KCNQ1OT1: variants seen among roughly 807,000 people sequenced by gnomAD.
The protein encoded by KCNQ1OT1 is KCNQ1 antisense RNA 2 (non-protein coding).
exon 1 of KCNQ1OT1, chr11:2,631,986 T>C (rs950685769): frequency 7.6e-6 from 3 of 395,794 alleles, no homozygotes; most frequent in African/African-American, 4.1e-5. Context: ...ATCGAGACCA[T>C]CCTGGCTAAC....
exon 1 of KCNQ1OT1, chr11:2,688,817 A>C: frequency 2.5e-6 from 1 of 398,820 alleles, no homozygotes; most frequent in East Asian, 3.6e-5. Context: ...CACCTGGCCC[A>C]TCCCACAAAG....
chr11:2,654,289 C>T lies in KCNQ1OT1; in HGVS notation n.45706G>A. On this transcript the variant is annotated non_coding_transcript_exon_variant, in exon 1 of 1. Transcript: ENST00000597346. This position sits in a 1 kb window ranked among gnomAD's most constrained non-coding sequence, Gnocchi z 6.4. Reference sequence around the variant, plus strand: ...GATCCGCAGGGCTTTGGTGAATCCACTGAGAGGGGGAGATTTCTTGAGGGG... The same window carrying T: ...GATCCGCAGGGCTTTGGTGAATCCATTGAGAGGGGGAGATTTCTTGAGGGG... 2.5e-6 allele frequency: 1 copy of T among 398,612 alleles called. No homozygotes were observed. 24.7% of individuals were successfully genotyped at this position (398,612 alleles called of 1,614,324 possible).
At position 2,692,815 on chromosome 11, in the gene KCNQ1OT1, T is replaced by C. The variant is rs1315621145; in HGVS notation, n.7180A>G. 1.3e-5 allele frequency: 5 copies of C among 398,560 alleles called. No individual in the cohort carries two copies. In the Admixed American group the frequency reaches 1.8e-4, roughly 14 times the overall value. 24.7% of individuals were successfully genotyped at this position (398,560 alleles called of 1,614,324 possible). A position where few individuals can be genotyped will look rare whatever the true frequency, so the allele number is the denominator to read the frequency against. On this transcript the variant is annotated non_coding_transcript_exon_variant, in exon 1 of 1. Transcript: ENST00000597346. The stretch of plus-strand genomic sequence containing the variant: ...TTCTTGAATGACTGCATCCCTAACA[T>C]GAGGCAATGATCATTCCCCTGCCTG...
At chr11:2,643,011 T>C (rs936442125) in exon 1 of KCNQ1OT1, 4 of 397,868 alleles carry the variant, frequency 1.0e-5, no homozygotes, top group African/African-American at 4.1e-5. Flanking sequence ...TATTGTGGTC[T>C]GAGAAGATAT....
exon 1 of KCNQ1OT1, chr11:2,632,156 C>T: frequency 2.7e-6 from 1 of 377,274 alleles, no homozygotes; most frequent in Non-Finnish European, 4.5e-6. Context: ...ACACTCTAGC[C>T]TGGGCGACAG....
chr11:2,660,075 T>A, exon 1 of KCNQ1OT1: 1 of 398,464 alleles, frequency 2.5e-6, no homozygotes, highest in South Asian at 1.3e-4. Context: ...CTTTTTCTCT[T>A]ACGAGTTAAA....
At position 2,617,155 on chromosome 11, in the gene KCNQ1OT1, A is replaced by G. The variant is rs1418953850; in HGVS notation, n.82840T>C. ...AATATACTAACTATTCTCATGTTCTACATGAGATCTCTAGACTTGTTCATC... is the reference window on the plus strand; with the variant it reads ...AATATACTAACTATTCTCATGTTCTGCATGAGATCTCTAGACTTGTTCATC... On this transcript the variant is annotated non_coding_transcript_exon_variant, in exon 1 of 1. Transcript: ENST00000597346. The surrounding 1 kb of genome is among the most constrained non-coding windows in gnomAD (Gnocchi z 4.6). The G allele has an allele frequency of 2.5e-6, 1 of 398,178 alleles. No homozygotes were observed. Among genetic ancestry groups the G allele is most frequent in the Non-Finnish European group, 4.4e-6 (1 of 225,884 alleles). The allele number at this position is 398,178 out of a possible 1,614,324, so 24.7% of individuals were successfully genotyped here. A position where few individuals can be genotyped will look rare whatever the true frequency, so the allele number is the denominator to read the frequency against.
chr11:2,655,948 G>T (rs1423638987), exon 1 of KCNQ1OT1: 2 of 398,566 alleles, frequency 5.0e-6, no homozygotes, highest in South Asian at 2.5e-4. Context: ...TTCCTCTCTG[G>T]CAGGTGCAGG....
exon 1 of KCNQ1OT1, chr11:2,665,352 G>T (rs1276849813): frequency 7.5e-6 from 3 of 398,046 alleles, no homozygotes; most frequent in African/African-American, 4.1e-5. Flanking sequence ...ATGGGCAGTT[G>T]GGGAGCACCC....
chr11:2,666,835 C>T (rs1160784963), exon 1 of KCNQ1OT1: 13 of 398,584 alleles, frequency 3.3e-5, no homozygotes, highest in Non-Finnish European at 5.7e-5. Context: ...ATTCTGGGAA[C>T]CAGTGTCCAG....
At position 2,657,421 on chromosome 11, in the gene KCNQ1OT1, ATACT is replaced by A. The variant is rs1385713872; in HGVS notation, n.42570_42573del. The A allele has an allele frequency of 7.5e-6, 3 of 398,420 alleles. No homozygotes were observed. The highest frequency in any genetic ancestry group is 8.8e-5 in the Admixed American group (2 of 22,722). 24.7% of individuals were successfully genotyped at this position (398,420 alleles called of 1,614,324 possible). ...ACAATTTTCTCCAGAGTTCTTGCAT[ATACT>A]TAGTTAGATAATTAATATTCTTTTG... On this transcript the variant is annotated non_coding_transcript_exon_variant, in exon 1 of 1. Transcript: ENST00000597346. This position sits in a 1 kb window ranked among gnomAD's most constrained non-coding sequence, Gnocchi z 4.8.
chr11:2,620,225 T>TTA lies in KCNQ1OT1; in HGVS notation n.79769_79770insTA. 4.4e-6 allele frequency: 1 copy of TTA among 224,994 alleles called. No individual in the cohort carries two copies. The highest frequency in any genetic ancestry group is 8.4e-6 in the Non-Finnish European group (1 of 119,680). The allele number at this position is 224,994 out of a possible 1,614,324, so 13.9% of individuals were successfully genotyped here. On this transcript the variant is annotated non_coding_transcript_exon_variant, in exon 1 of 1. Transcript: ENST00000597346. This position sits in a 1 kb window ranked among gnomAD's most constrained non-coding sequence, Gnocchi z 4.5. Reference sequence around the variant, plus strand: ...TATATATATATATTTTTTTTTTTTATTTTTTTTTTAGACGGAGTTTCGCTC... The same window carrying TTA: ...TATATATATATATTTTTTTTTTTTATTATTTTTTTTTAGACGGAGTTTCGCTC...
In KCNQ1OT1 at chr11:2,661,587, T is replaced by A. The variant is rs1849957276; in HGVS notation, n.38408A>T. ...GACAATGTATGGTGGTGGGAGCTGT[T>A]GTCCCTTACCAGGCCTGTGCCTGTC... On this transcript the variant is annotated non_coding_transcript_exon_variant, in exon 1 of 1. Coordinates refer to ENST00000597346, the Ensembl canonical transcript of KCNQ1OT1. The surrounding 1 kb of genome is among the most constrained non-coding windows in gnomAD (Gnocchi z 5.9). The A allele has an allele frequency of 7.1e-6, 4 of 563,438 alleles. No homozygotes were observed. The highest frequency in any genetic ancestry group is 1.3e-5 in the Non-Finnish European group (4 of 317,124). The allele number at this position is 563,438 out of a possible 1,614,324, so 34.9% of individuals were successfully genotyped here. A position where few individuals can be genotyped will look rare whatever the true frequency, so the allele number is the denominator to read the frequency against.
At chr11:2,692,993 C>T (rs1374951006) in exon 1 of KCNQ1OT1, 1 of 398,502 alleles carries the variant, frequency 2.5e-6, no homozygotes, top group East Asian at 3.6e-5. Context: ...TTCCAGAAGC[C>T]TCATAAGCAA....
At chr11:2,697,958 A>T (rs1775162895) in exon 1 of KCNQ1OT1, 2 of 398,538 alleles carry the variant, frequency 5.0e-6, no homozygotes, top group African/African-American at 2.1e-5. Flanking sequence ...AAATACACCC[A>T]TAATCAAGCA....
At chr11:2,622,887 A>G (rs1253417104) in exon 1 of KCNQ1OT1, 4 of 398,646 alleles carry the variant, frequency 1.0e-5, no homozygotes, top group Non-Finnish European at 1.3e-5. Flanking sequence ...ACACATTATT[A>G]TCAAAGTCCC....
At position 2,661,755 on chromosome 11, in the gene KCNQ1OT1, C is replaced by T; in HGVS notation, n.38240G>A. The T allele has an allele frequency of 3.1e-6, 2 of 641,712 alleles. No individual in the cohort carries two copies. Among genetic ancestry groups the T allele is most frequent in the Non-Finnish European group, 5.6e-6 (2 of 357,228 alleles). The allele number at this position is 641,712 out of a possible 1,614,324, so 39.8% of individuals were successfully genotyped here. Reference sequence around the variant, plus strand: ...AGATGATTCACTGGCCTTTATTCTCCTCAGACACTGAGGTGTCAGGCACTT... The same window carrying T: ...AGATGATTCACTGGCCTTTATTCTCTTCAGACACTGAGGTGTCAGGCACTT... On this transcript the variant is annotated non_coding_transcript_exon_variant, in exon 1 of 1. Transcript: ENST00000597346. The surrounding 1 kb of genome is among the most constrained non-coding windows in gnomAD (Gnocchi z 5.9).
chr11:2,674,848 A>AG lies in KCNQ1OT1; in HGVS notation n.25146_25147insC. The AG allele has an allele frequency of 2.5e-6, 1 of 396,960 alleles. No homozygotes were observed. The highest frequency in any genetic ancestry group is 4.4e-6 in the Non-Finnish European group (1 of 225,628). 24.6% of individuals were successfully genotyped at this position (396,960 alleles called of 1,614,324 possible). Reference sequence around the variant, plus strand: ...GCTGTTTTTTAAAAAAAAAAAAAAAAAAAAAAAAAAAAGCTCACTGGGCAC... The same window carrying AG: ...GCTGTTTTTTAAAAAAAAAAAAAAAAGAAAAAAAAAAAAGCTCACTGGGCAC... On this transcript the variant is annotated non_coding_transcript_exon_variant, in exon 1 of 1. Coordinates refer to ENST00000597346, the Ensembl canonical transcript of KCNQ1OT1. The surrounding 1 kb of genome is among the most constrained non-coding windows in gnomAD (Gnocchi z 5.9).
At position 2,621,326 on chromosome 11, in the gene KCNQ1OT1, T is replaced by C; in HGVS notation, n.78669A>G. On this transcript the variant is annotated non_coding_transcript_exon_variant, in exon 1 of 1. Transcript: ENST00000597346. The surrounding 1 kb of genome is among the most constrained non-coding windows in gnomAD (Gnocchi z 5.7). ...TAGTGATCATGAGAATGTTTTTTTG[T>C]TTGGCTACTTCTGTATTTTCTTTTA... 2.5e-6 allele frequency: 1 copy of C among 398,590 alleles called. No homozygotes were observed. Among genetic ancestry groups the C allele is most frequent in the Non-Finnish European group, 4.4e-6 (1 of 226,032 alleles). 24.7% of individuals were successfully genotyped at this position (398,590 alleles called of 1,614,324 possible).
Sources: allele counts gnomAD v4.1 joint callset, GRCh38; gene constraint gnomAD v4.1.1; non-coding constraint Gnocchi (gnomAD v3.1); transcripts MANE v1.5; gene names NCBI Gene and HGNC (gene_info 2026-07-23, HGNC 2026-07-21).